Variants in SPATA31E1 observed in about 807,000 individuals in gnomAD.
The protein encoded by SPATA31E1 is SPATA31 subfamily E member 1.
Under a neutral mutation model 12.9 loss-of-function variants are expected in SPATA31E1, and 7 were observed. The ratio of observed to expected loss-of-function variants is 0.54; its 90% confidence interval spans 0.31 to 1.02. The LOEUF (loss-of-function observed/expected upper bound fraction) is 1.02. Ranked by LOEUF, SPATA31E1 falls within the 50% of genes least tolerant of loss-of-function variation. SPATA31E1 has a pLI of 0.05. For synonymous variants in SPATA31E1, 771 were observed against 719.0 expected, an observed-to-expected ratio of 1.07 and a Z score of -1.16; for missense variants, 1,961 against 1,799.8, an observed-to-expected ratio of 1.09 and a Z score of -1.62.
In SPATA31E1 at chr9:87,888,842, T is replaced by C. The variant is rs768434415; in HGVS notation, c.*17T>C. Reference sequence around the variant, plus strand: ...GCCTCCTGAACTAGACCAGTCTTCTTGCATGTCTCCTGGGGGAGACAGGGG... The same window carrying C: ...GCCTCCTGAACTAGACCAGTCTTCTCGCATGTCTCCTGGGGGAGACAGGGG... On this transcript the variant is annotated 3_prime_UTR_variant, in exon 4 of 4. Coordinates refer to ENST00000325643, the MANE Select transcript of SPATA31E1 (RefSeq NM_178828.5). The C allele has an allele frequency of 1.3e-6, 2 of 1,574,656 alleles. No homozygotes were observed. The highest frequency in any genetic ancestry group is 1.7e-6 in the Non-Finnish European group (2 of 1,162,476).
chr9:87,883,620 G>A (rs532182743), intron 1 of SPATA31E1, among the ~76,000 whole-genome samples: 2 of 152,186 alleles, frequency 1.3e-5, no homozygotes, highest in East Asian at 1.9e-4. Context: ...GCTGCACCCC[G>A]GCCACATGTG....
chr9:87,887,869 C>G lies in SPATA31E1; in HGVS notation c.3382C>G (p.Leu1128Val), dbSNP rs1462489352. ...CCTCCTCCAGGACGGCGCCACAGGC[C>G]TGTGCCTTCCAGGCCGCCACATGGA... Reference protein sequence around the residue: ...GILLQDGATGLCLPGRHMDML... With the variant: ...GILLQDGATGVCLPGRHMDML... Residue 1128 changes from leucine (L) to valine (V), a missense_variant, in exon 4 of 4, where the codon CTG becomes GTG. Leu to Val is a conservative substitution (Grantham distance 32, BLOSUM62 1). Coordinates refer to ENST00000325643, the MANE Select transcript of SPATA31E1 (RefSeq NM_178828.5). The G allele has an allele frequency of 1.2e-6, 2 of 1,613,722 alleles. No homozygotes were observed. The highest frequency in any genetic ancestry group is 2.7e-5 in the African/African-American group (2 of 74,952).
chr9:87,888,494 G>A lies in SPATA31E1; in HGVS notation c.4007G>A (p.Gly1336Glu), dbSNP rs751535334. 7 of 1,614,170 alleles carry A rather than the reference G, an allele frequency of 4.3e-6. No homozygotes were observed. In the East Asian group the frequency reaches 1.3e-4, roughly 31 times the overall value. Reference sequence around the variant, plus strand: ...GTGGACAAACTGGGGCTTCAGTGGGGACGAGGTCCCTCAGAGGTCAATCGC... The same window carrying A: ...GTGGACAAACTGGGGCTTCAGTGGGAACGAGGTCCCTCAGAGGTCAATCGC... ...ILVDKLGLQW[G>E]RGPSEVNRHK... The change falls in exon 4 of 4, where the codon GGA (glycine) becomes GAA (glutamate). Residue 1336 changes from glycine (G) to glutamate (E), a missense_variant. Coordinates refer to ENST00000325643, the MANE Select transcript of SPATA31E1 (RefSeq NM_178828.5).
Position 87,887,899 on chromosome 9 carries a change from C to G in SPATA31E1, c.3412C>G (p.Leu1138Val). Residue 1138 changes from leucine (L) to valine (V), a missense_variant, in exon 4 of 4, where the codon CTC becomes GTC. Transcript: ENST00000325643. ...LCLPGRHMDM[L>V]TAADRLPTQA... The stretch of plus-strand genomic sequence containing the variant: ...CCTTCCAGGCCGCCACATGGACATG[C>G]TCACTGCCGCAGACAGGCTGCCCAC... The G allele has an allele frequency of 6.2e-7, 1 of 1,613,858 alleles. No homozygotes were observed. Among genetic ancestry groups the G allele is most frequent in the Non-Finnish European group, 8.5e-7 (1 of 1,180,036 alleles).
chr9:87,886,999 C>T lies in SPATA31E1; in HGVS notation c.2512C>T (p.His838Tyr), dbSNP rs1266355254. The change falls in exon 4 of 4, where the codon CAT becomes TAT. Residue 838 changes from histidine to tyrosine, a missense_variant. Transcript: ENST00000325643. ...HPCTQQILEV[H>Y]LVRFCVRHSW... ...CTGCACCCAGCAGATACTGGAAGTA[C>T]ATCTTGTAAGGTTCTGTGTGAGGCA... is the stretch of plus-strand genomic sequence containing the variant. The T allele has an allele frequency of 1.9e-6, 3 of 1,614,024 alleles. No homozygotes were observed. The African/African-American group carries it at 4.0e-5, about 22-fold the overall frequency.
rs968993527 is a variant in SPATA31E1 at position 87,888,832 on chromosome 9, C to T, written c.*7C>T. The T allele has an allele frequency of 4.4e-6, 7 of 1,586,396 alleles. No individual in the cohort carries two copies. In the African/African-American group the frequency reaches 8.1e-5, roughly 18 times the overall value. ...GAGGTGTCTTGCCTCCTGAACTAGA[C>T]CAGTCTTCTTGCATGTCTCCTGGGG... On this transcript the variant is annotated 3_prime_UTR_variant, in exon 4 of 4. Transcript: ENST00000325643.
chr9:87,885,102 C>T lies in SPATA31E1; in HGVS notation c.615C>T (p.Gly205=). ...CTCTGGCCTCCACCCTGTCACCAGGCCCGATGACCTTCTCAGAGCCTTTTG... is the reference window on the plus strand; with the variant it reads ...CTCTGGCCTCCACCCTGTCACCAGGTCCGATGACCTTCTCAGAGCCTTTTG... ...PAPLASTLSP[G]PMTFSEPFGP... The change falls in exon 4 of 4, where the codon GGC becomes GGT. Residue 205 remains glycine, a synonymous_variant. Transcript: ENST00000325643. 6.2e-7 allele frequency: 1 copy of T among 1,614,184 alleles called. No individual in the cohort carries two copies.
chr9:87,886,163 T>C lies in SPATA31E1; in HGVS notation c.1676T>C (p.Val559Ala), dbSNP rs565528990. ...YPTSQERTQS[V>A]IPTGKEYLEW... ...ACATCCCAGGAGAGGACACAGTCTG[T>C]CATCCCCACTGGAAAGGAGTATCTT... is the stretch of plus-strand genomic sequence containing the variant. Residue 559 changes from valine (V) to alanine (A), a missense_variant, in exon 4 of 4, where the codon GTC becomes GCC. By Grantham distance (64) the Val-to-Ala change is moderately conservative. Transcript: ENST00000325643. 8.7e-6 allele frequency: 14 copies of C among 1,605,832 alleles called. No individual in the cohort carries two copies. In the East Asian group the frequency reaches 2.9e-4, roughly 33 times the overall value.
rs1828316919 is a variant in SPATA31E1, at chr9:87,887,996, T to TC, written c.3511dup (p.Leu1171ProfsTer56). The TC allele has an allele frequency of 2.5e-6, 4 of 1,613,578 alleles. No homozygotes were observed. Among genetic ancestry groups the TC allele is most frequent in the Non-Finnish European group, 3.4e-6 (4 of 1,179,956 alleles). On this transcript the variant is annotated frameshift_variant, in exon 4 of 4. Transcript: ENST00000325643. LOFTEE classifies it low-confidence loss of function (END_TRUNC). ...ACAGCTTCCCAGGGGCCATGTGCCC[T>TC]CCTATGGAAGGGAGGGGACAGTCCA...
At position 87,886,636 on chromosome 9, in the gene SPATA31E1, A is replaced by G. The variant is rs1401603781; in HGVS notation, c.2149A>G (p.Ser717Gly). 2 of 1,613,872 alleles carry G rather than the reference A, an allele frequency of 1.2e-6. No individual in the cohort carries two copies. Among genetic ancestry groups the G allele is most frequent in the African/African-American group, 2.7e-5 (2 of 74,898 alleles). The change falls in exon 4 of 4, where the codon AGC becomes GGC. Residue 717 changes from serine (S) to glycine (G), a missense_variant. Coordinates refer to ENST00000325643, the MANE Select transcript of SPATA31E1 (RefSeq NM_178828.5). The stretch of plus-strand genomic sequence containing the variant: ...AGGGTCCAAACTAGGGCCGGACCCA[A>G]GCCGGGATCAAGGCTCAGGAAGGAC... ...CLGSKLGPDP[S>G]RDQGSGRTSV...
In SPATA31E1 at chr9:87,886,599, C is replaced by T. The variant is rs4076794; in HGVS notation, c.2112C>T (p.Asp704=). 6.2e-7 allele frequency: 1 copy of T among 1,613,774 alleles called. No individual in the cohort carries two copies. Among genetic ancestry groups the T allele is most frequent in the Admixed American group, 1.7e-5 (1 of 59,998 alleles). Residue 704 remains aspartate, a synonymous_variant, in exon 4 of 4, where the codon GAC becomes GAT. Transcript: ENST00000325643. The part of the protein sequence containing the change: ...TGFRSSGRFS[D]KGCLGSKLGP... ...TCAGGAGCTCCGGAAGGTTCTCTGA[C>T]AAGGGGTGCTTAGGGTCCAAACTAG...
At position 87,884,003 on chromosome 9, in the gene SPATA31E1, G is replaced by A. The variant is rs770845464; in HGVS notation, c.321G>A (p.Glu107=). 1 of 1,607,374 alleles carries A rather than the reference G, an allele frequency of 6.2e-7. No individual in the cohort carries two copies. Among genetic ancestry groups the A allele is most frequent in the Non-Finnish European group, 8.5e-7 (1 of 1,176,510 alleles). The change falls in exon 2 of 4, where the codon GAG becomes GAA. Residue 107 remains glutamate (E), a synonymous_variant. Transcript: ENST00000325643. Reference sequence around the variant, plus strand: ...TTCTTGCCTCTCAGCCTCAAAGGGAGAGAAGCGGGAGGTCCAGGAGCAGGA... The same window carrying A: ...TTCTTGCCTCTCAGCCTCAAAGGGAAAGAAGCGGGAGGTCCAGGAGCAGGA... The part of the protein sequence containing the change: ...RKRSSREPQR[E]RSGRSRSRKI...
In SPATA31E1 at chr9:87,883,125, C is replaced by T. The variant is rs149317592; in HGVS notation, c.234C>T (p.Leu78=). 2.1e-4 allele frequency: 342 copies of T among 1,602,152 alleles called. No homozygotes were observed. The highest frequency in any genetic ancestry group is 2.7e-4 in the Non-Finnish European group (320 of 1,174,042). ...FILTSVCGLV[L]LFLLLLYVHS... ...TCACCAGTGTGTGTGGCCTAGTGCT[C>T]CTCTTCCTATTGCTCCTCTACGTCC... The change falls in exon 1 of 4, where the codon CTC becomes CTT. Residue 78 remains leucine, a synonymous_variant. Coordinates refer to ENST00000325643, the MANE Select transcript of SPATA31E1 (RefSeq NM_178828.5).
Position 87,887,517 on chromosome 9 carries a change from C to T in SPATA31E1, c.3030C>T (p.Asp1010=), listed in dbSNP as rs776156988. The change falls in exon 4 of 4, where the codon GAC becomes GAT. Residue 1010 remains aspartate, a synonymous_variant. Transcript: ENST00000325643. Reference sequence around the variant, plus strand: ...AGAGTGAGAGCATGTCCCCAGGAGACCCCTGTAGTAGCAGAGCCCTGCAAG... The same window carrying T: ...AGAGTGAGAGCATGTCCCCAGGAGATCCCTGTAGTAGCAGAGCCCTGCAAG... ...WLESESMSPG[D]PCSSRALQVL... is the part of the protein sequence containing the mutation. The T allele has an allele frequency of 3.7e-6, 6 of 1,613,862 alleles. No homozygotes were observed. The highest frequency in any genetic ancestry group is 5.1e-6 in the Non-Finnish European group (6 of 1,180,024).
Position 87,885,592 on chromosome 9 carries a change from A to G in SPATA31E1, c.1105A>G (p.Ile369Val). 6.2e-7 allele frequency: 1 copy of G among 1,614,134 alleles called. No homozygotes were observed. Among genetic ancestry groups the G allele is most frequent in the Non-Finnish European group, 8.5e-7 (1 of 1,180,040 alleles). Residue 369 changes from isoleucine (I) to valine (V), a missense_variant, in exon 4 of 4, where the codon ATC becomes GTC. By Grantham distance (29) the Ile-to-Val change is conservative (BLOSUM62 3). Coordinates refer to ENST00000325643, the MANE Select transcript of SPATA31E1 (RefSeq NM_178828.5). ...CGTGCAGAAGCTGCTGGAGACCCTC[A>G]TCGCCAAGAGAGCACTGATGAAGAT... ...PDVQKLLETL[I>V]AKRALMKMWQ...
At chr9:87,883,922 T>C in intron 1 of SPATA31E1, 70 bp from the exon 2 acceptor site, 1 of 1,532,548 alleles carries the variant, frequency 6.5e-7, no homozygotes, top group Non-Finnish European at 8.9e-7. Flanking sequence ...GAGCACTGCG[T>C]GTGTGCAGCT....
At position 87,887,113 on chromosome 9, in the gene SPATA31E1, AC is replaced by A. The variant is rs753591101; in HGVS notation, c.2631del (p.Trp878GlyfsTer39). On this transcript the variant is annotated frameshift_variant, in exon 4 of 4. Transcript: ENST00000325643. LOFTEE classifies it low-confidence loss of function (END_TRUNC). ...QAPPFPQSTFTPWASWVSRVE... is the reference protein window; with the variant it reads ...QAPPFPQSTFXPWASWVSRVE... ...CCCGCCCTTCCCACAATCCACCTTTACCCCCTGGGCCTCCTGGGTATCTCGG... is the reference window on the plus strand; with the variant it reads ...CCCGCCCTTCCCACAATCCACCTTTACCCCTGGGCCTCCTGGGTATCTCGG... 2 of 1,613,198 alleles carry A rather than the reference AC, an allele frequency of 1.2e-6. No individual in the cohort carries two copies. Among genetic ancestry groups the A allele is most frequent in the Non-Finnish European group, 1.7e-6 (2 of 1,179,808 alleles).
chr9:87,884,678 G>A lies in SPATA31E1; in HGVS notation c.425+27G>A, dbSNP rs776123880. 1.2e-5 allele frequency: 20 copies of A among 1,613,702 alleles called. No homozygotes were observed. The East Asian group carries it at 4.0e-4, about 32-fold the overall frequency. On this transcript the variant is annotated intron_variant, in intron 3 of 3. Coordinates refer to ENST00000325643, the MANE Select transcript of SPATA31E1 (RefSeq NM_178828.5). The stretch of plus-strand genomic sequence containing the variant: ...TGAGGAGCTTCCCCCTTCTGTCCCT[G>A]TCCTCCTTCCTACCAGGGCCTCTGA...
In SPATA31E1 at chr9:87,886,136, C is replaced by T; in HGVS notation, c.1649C>T (p.Pro550Leu). 6.2e-7 allele frequency: 1 copy of T among 1,603,238 alleles called. No individual in the cohort carries two copies. The part of the protein sequence containing the change: ...PQIRGCGASY[P>L]TSQERTQSVI... ...ATTAGGGGCTGTGGGGCATCTTACC[C>T]TACATCCCAGGAGAGGACACAGTCT... Residue 550 changes from proline to leucine, a missense_variant, in exon 4 of 4, where the codon CCT becomes CTT. Pro to Leu is a moderately conservative substitution (Grantham distance 98). Transcript: ENST00000325643.
Sources: allele counts gnomAD v4.1 joint callset (sites outside exome capture counted in the v4.1 genomes callset), GRCh38; gene constraint gnomAD v4.1.1; transcripts MANE v1.5; gene names NCBI Gene and HGNC (gene_info 2026-07-23, HGNC 2026-07-21).